Variants in CTTNBP2 observed in about 807,000 individuals in gnomAD.
CTTNBP2 encodes cortactin binding protein 2, also known as cortactin-binding protein 2.
A neutral mutation model predicts 156.9 loss-of-function variants in CTTNBP2; 108 were observed. The observed-to-expected ratio is 0.69, with a 90% CI of 0.59 to 0.81. The LOEUF (loss-of-function observed/expected upper bound fraction) is 0.81. CTTNBP2 is among the 30% of genes least tolerant of loss of function. The pLI is 0.00. For synonymous variants in CTTNBP2, 767 were observed against 751.8 expected (o/e 1.02, Z -0.33); for missense variants, 1,924 against 2,035.4 (o/e 0.95, Z 1.05).
At chr7:117,725,349 A>G in intron 17 of CTTNBP2, 92 bp from the exon 18 acceptor site, 1 of 1,141,518 alleles carries the variant, frequency 8.8e-7, no homozygotes, top group Non-Finnish European at 1.3e-6. Flanking sequence ...GACTATGGGG[A>G]AAAAACGTTA....
intron 10 of CTTNBP2, among the ~76,000 whole-genome samples, chr7:117,758,264 G>A (rs1796998320): frequency 6.6e-6 from 1 of 152,156 alleles, no homozygotes; most frequent in African/African-American, 2.4e-5. Flanking sequence ...CTAGGGTTAA[G>A]CTCTCAAGAA....
Position 117,782,950 on chromosome 7 carries a change from A to G in CTTNBP2, c.2284T>C (p.Leu762=). Residue 762 remains leucine (L), a synonymous_variant, in exon 6 of 23, where the codon TTG becomes CTG. Coordinates refer to ENST00000160373, the MANE Select transcript of CTTNBP2 (RefSeq NM_033427.3). ...ACTTGGGCTTCTGCACTCAGCAGCA[A>G]TCTCACACAGTCTATGGATTTTAAT... ...AKNGHTDCVR[L]LLSAEAQVNA... 1 of 1,613,514 alleles carries G rather than the reference A, an allele frequency of 6.2e-7. No homozygotes were observed. Among genetic ancestry groups the G allele is most frequent in the Middle Eastern group, 1.7e-4 (1 of 6,060 alleles).
At chr7:117,852,588 C>G (rs1043825027) in intron 2 of CTTNBP2, among the ~76,000 whole-genome samples, 2 of 152,084 alleles carry the variant, frequency 1.3e-5, no homozygotes, top group African/African-American at 2.4e-5. Context: ...AAGAAGGACA[C>G]GTTAAAAATC....
chr7:117,827,990 T>C (rs1353193028), intron 2 of CTTNBP2, among the ~76,000 whole-genome samples: 9 of 152,142 alleles, frequency 5.9e-5, no homozygotes, highest in Non-Finnish European at 1.0e-4. Context: ...CCTTGGCCAC[T>C]GAGGAGTAAC....
At chr7:117,810,685 G>A (rs899253627) in intron 3 of CTTNBP2, 80 bp downstream of exon 3, 1 of 1,129,538 alleles carries the variant, frequency 8.9e-7, no homozygotes, top group African/African-American at 1.5e-5. Flanking sequence ...ATATAATACT[G>A]AAGAACAAAC....
chr7:117,811,926 A>T (rs1372167626), intron 2 of CTTNBP2, among the ~76,000 whole-genome samples: 2 of 144,892 alleles, frequency 1.4e-5, no homozygotes, highest in African/African-American at 2.5e-5. Flanking sequence ...TAATGTAAAA[A>T]TTTTAATTAA....
At chr7:117,824,430 T>C (rs1801159592) in intron 2 of CTTNBP2, among the ~76,000 whole-genome samples, 1 of 152,230 alleles carries the variant, frequency 6.6e-6, no homozygotes, top group Non-Finnish European at 1.5e-5. Flanking sequence ...TTTATCACTT[T>C]AATCCTTTCC....
chr7:117,720,708 A>G (rs1426941787), intron 20 of CTTNBP2, among the ~76,000 whole-genome samples: 1 of 152,202 alleles, frequency 6.6e-6, no homozygotes, highest in Non-Finnish European at 1.5e-5. Context: ...AAAAGAAAAA[A>G]GTCATACTGT....
At chr7:117,809,978 G>A (rs916436550) in intron 3 of CTTNBP2, among the ~76,000 whole-genome samples, 57 of 152,310 alleles carry the variant, frequency 3.7e-4, no homozygotes, top group African/African-American at 1.3e-3. Flanking sequence ...AAAAGGCATC[G>A]ATAGTCTTGG....
chr7:117,827,720 C>T (rs2117060183), intron 2 of CTTNBP2, among the ~76,000 whole-genome samples: 1 of 152,284 alleles, frequency 6.6e-6, no homozygotes, highest in South Asian at 2.1e-4. Context: ...TTAACAGAAG[C>T]ATTCCCACAC....
At chr7:117,851,656 C>A (rs535803825) in intron 2 of CTTNBP2, among the ~76,000 whole-genome samples, 30 of 152,298 alleles carry the variant, frequency 2.0e-4, no homozygotes, top group African/African-American at 6.7e-4. Flanking sequence ...TTCACAGTAT[C>A]TATTAAGACT....
intron 19 of CTTNBP2, 90 bp downstream of exon 19, chr7:117,724,457 C>T (rs751910768): frequency 9.1e-7 from 1 of 1,099,336 alleles, no homozygotes. Context: ...CCAAATGCAT[C>T]GTGATAAAAA....
chr7:117,744,558 T>C (rs143686798), intron 14 of CTTNBP2, among the ~76,000 whole-genome samples: 132 of 152,296 alleles, frequency 8.7e-4, no homozygotes, highest in African/African-American at 2.9e-3. Flanking sequence ...CGTGTATATG[T>C]ACCATATTTT....
intron 2 of CTTNBP2, among the ~76,000 whole-genome samples, chr7:117,852,298 C>CAA (rs200498632): frequency 1.3e-3 from 112 of 86,816 alleles, no homozygotes; most frequent in African/African-American, 4.5e-3. Context: ...TATACAAAAC[C>CAA]AAAAAAAAAA....
At chr7:117,827,791 T>C (rs1321235004) in intron 2 of CTTNBP2, among the ~76,000 whole-genome samples, 2 of 152,194 alleles carry the variant, frequency 1.3e-5, no homozygotes, top group Non-Finnish European at 2.9e-5. Flanking sequence ...CTAGGGATAA[T>C]ACAACAGATA....
At chr7:117,799,925 A>T (rs1799522609) in intron 3 of CTTNBP2, among the ~76,000 whole-genome samples, 1 of 152,114 alleles carries the variant, frequency 6.6e-6, no homozygotes, top group South Asian at 2.1e-4. Flanking sequence ...CAAAAAATAA[A>T]ATATGAGTAA....
intron 7 of CTTNBP2, among the ~76,000 whole-genome samples, chr7:117,779,659 GTTTT>G (rs906846666): frequency 6.6e-6 from 1 of 151,126 alleles, no homozygotes; most frequent in South Asian, 2.1e-4. Context: ...AAAATAGGAA[GTTTT>G]TTTAAGAAAA....
intron 21 of CTTNBP2, 99 bp from the exon 22 acceptor site, chr7:117,718,218 T>G (rs1049029241): frequency 1.1e-5 from 8 of 698,224 alleles, no homozygotes; most frequent in Non-Finnish European, 1.8e-5. Context: ...GAAGTGTTAC[T>G]CTTATCCTCT....
rs1563037772 is a variant in CTTNBP2 at position 117,817,363 on chromosome 7, T to TAAATAA, written c.190-6375_190-6374insTTATTT. On this transcript the variant is annotated intron_variant, in intron 2 of 22. Transcript: ENST00000160373. ...AAAAAAAAAAAAAAAAAAAAAAAAATATATATATATATATATATATATATA... is the reference window on the plus strand; with the variant it reads ...AAAAAAAAAAAAAAAAAAAAAAAAATAAATAAATATATATATATATATATATATATA... Among the ~76,000 whole-genome samples, 15 of 42,836 alleles carry TAAATAA rather than the reference T, an allele frequency of 3.5e-4. 1 individual carries two copies. The highest frequency in any genetic ancestry group is 1.1e-3 in the African/African-American group (15 of 13,862). The allele number at this position is 42,836 out of a possible 152,430, so 28.1% of individuals were successfully genotyped here.
Sources: gnomAD v4.1 joint callset for allele counts (sites outside exome capture counted in the v4.1 genomes callset) on GRCh38, gnomAD v4.1.1 for gene constraint, MANE v1.5 for transcripts, NCBI Gene and HGNC (gene_info 2026-07-23, HGNC 2026-07-21) for gene names.